DNAH8: variants seen among roughly 807,000 people sequenced by gnomAD.
DNAH8 encodes the protein dynein axonemal heavy chain 8.
In DNAH8, 382 loss-of-function variants were observed where a neutral mutation model predicts 562.1. The ratio of observed to expected loss-of-function variants is 0.68; its 90% CI spans 0.63 to 0.74. The LOEUF (loss-of-function observed/expected upper bound fraction) is 0.74, where lower values mean the gene tolerates loss of function less well. Ranked by LOEUF, DNAH8 falls within the 30% of genes least tolerant of loss-of-function variation. DNAH8 has a pLI of 0.00. For synonymous variants in DNAH8, 1,881 were observed against 1,919.4 expected (o/e 0.98, Z 0.52); for missense variants, 5,203 against 5,620.4 (o/e 0.93, Z 2.37).
chr6:38,769,263 A>C (rs1264850653), intron 11 of DNAH8, among the ~76,000 whole-genome samples: 1 of 152,206 alleles, frequency 6.6e-6, no homozygotes, highest in Non-Finnish European at 1.5e-5. Flanking sequence ...ATACATGTGC[A>C]GAATGTGCAG....
intron 87 of DNAH8, among the ~76,000 whole-genome samples, chr6:38,985,640 G>A (rs1033635375): frequency 1.3e-5 from 2 of 152,178 alleles, no homozygotes; most frequent in African/African-American, 2.4e-5. Flanking sequence ...ACTGAAATTA[G>A]GTATCTCAGG....
chr6:38,782,974 T>A, intron 16 of DNAH8, 30 bp from the exon 17 acceptor site: 3 of 1,593,258 alleles, frequency 1.9e-6, no homozygotes, highest in Non-Finnish European at 2.6e-6. Context: ...AGCAGTCTTT[T>A]AAAGTAAATC....
chr6:38,989,268 G>T (rs549047775), intron 87 of DNAH8, among the ~76,000 whole-genome samples: 1 of 152,292 alleles, frequency 6.6e-6, no homozygotes, highest in Non-Finnish European at 1.5e-5. Flanking sequence ...TCCCCACTGG[G>T]AAAATTGCTG....
intron 62 of DNAH8, among the ~76,000 whole-genome samples, chr6:38,900,231 A>C (rs1779983555): frequency 6.6e-6 from 1 of 152,200 alleles, no homozygotes; most frequent in South Asian, 2.1e-4. Flanking sequence ...CAATTGAACT[A>C]TACAGGATTT....
chr6:38,805,766 GTT>G (rs1330342248), intron 23 of DNAH8, among the ~76,000 whole-genome samples, 170 bp downstream of exon 23: 1 of 152,162 alleles, frequency 6.6e-6, no homozygotes, highest in Non-Finnish European at 1.5e-5. Flanking sequence ...AATCCTTTAA[GTT>G]TTCCCCAGTA....
rs142851293 is a variant in DNAH8, at chr6:38,883,740, CAT to C, written c.8137-131_8137-130del. On this transcript the variant is annotated intron_variant, in intron 55 of 92. Transcript: ENST00000327475. ...TGCCTTATTTTTAAAAATTTAACAA[CAT>C]ATATTTTAATAATTATATGTATACT... 2,322 of 712,936 alleles carry C rather than the reference CAT, an allele frequency of 3.3e-3. 41 individuals carry two copies. In the African/African-American group the frequency reaches 0.037, roughly 11 times the overall value. 44.2% of individuals were successfully genotyped at this position (712,936 alleles called of 1,614,324 possible).
chr6:38,784,547 GAT>G (rs1274629442), intron 17 of DNAH8, among the ~76,000 whole-genome samples: 3 of 152,058 alleles, frequency 2.0e-5, no homozygotes, highest in Non-Finnish European at 2.9e-5. Flanking sequence ...CTGCTTTATA[GAT>G]CTACCTTGTG....
intron 92 of DNAH8, among the ~76,000 whole-genome samples, chr6:39,028,045 C>G (rs1455148986): frequency 2.0e-5 from 3 of 152,088 alleles, no homozygotes; most frequent in Non-Finnish European, 4.4e-5. Flanking sequence ...GCCACGTTTC[C>G]TTCAGTTTCC....
chr6:38,850,291 AAAT>A lies in DNAH8; in HGVS notation c.5244_5246del (p.Ile1748del). 1 of 1,613,632 alleles carries A rather than the reference AAAT, an allele frequency of 6.2e-7. No individual in the cohort carries two copies. Among genetic ancestry groups the A allele is most frequent in the Non-Finnish European group, 8.5e-7 (1 of 1,179,654 alleles). On this transcript the variant is annotated inframe_deletion, in exon 38 of 93. Transcript: ENST00000327475. ...CAGAATATTGACAAGTCTTGGATAA[AAAT>A]AATGCAGCGAGCTCATGAGAATCCC...
In DNAH8 at chr6:38,828,078, A is replaced by G; in HGVS notation, c.4084-106A>G. On this transcript the variant is annotated intron_variant, in intron 29 of 92. Coordinates refer to ENST00000327475, the MANE Select transcript of DNAH8 (RefSeq NM_001206927.2). Reference sequence around the variant, plus strand: ...ATTTTGGAAACCACTTTTCTAGAACATGCTGTCTTCTTCTAAGACATAGGA... The same window carrying G: ...ATTTTGGAAACCACTTTTCTAGAACGTGCTGTCTTCTTCTAAGACATAGGA... 6.7e-6 allele frequency: 5 copies of G among 740,868 alleles called. No individual in the cohort carries two copies. In the East Asian group the frequency reaches 1.1e-4, roughly 16 times the overall value. The allele number at this position is 740,868 out of a possible 1,614,324, so 45.9% of individuals were successfully genotyped here.
chr6:38,736,230 C>A (rs1287234191), intron 5 of DNAH8, among the ~76,000 whole-genome samples: 1 of 152,160 alleles, frequency 6.6e-6, no homozygotes, highest in Non-Finnish European at 1.5e-5. Flanking sequence ...CTCTATTCTT[C>A]CAACGTAGTT....
chr6:38,796,044 C>T (rs1367664671), intron 21 of DNAH8, among the ~76,000 whole-genome samples: 1 of 152,150 alleles, frequency 6.6e-6, no homozygotes, highest in African/African-American at 2.4e-5. Context: ...CCTCCTTGGC[C>T]AGCTGGGTCC....
In DNAH8 at chr6:38,866,790, G is replaced by T. The variant is rs961724755; in HGVS notation, c.6607G>T (p.Ala2203Ser). The T allele has an allele frequency of 9.3e-6, 15 of 1,612,630 alleles. No individual in the cohort carries two copies. The highest frequency in any genetic ancestry group is 4.0e-5 in the African/African-American group (3 of 74,846). ...TCAGATCATTATGAGAGTTAAACTT[G>T]CAAGCTGTGGTTTTCTTGAAAATGT... ...DRQIIMRVKLASCGFLENVIL... is the reference protein window; with the variant it reads ...DRQIIMRVKLSSCGFLENVIL... Residue 2203 changes from alanine (A) to serine (S), a missense_variant, in exon 47 of 93, where the codon GCA becomes TCA. Physicochemically the swap from Ala to Ser is moderately conservative, Grantham distance 99. Around this residue, in one of 6 missense-constraint regions of DNAH8, gnomAD observed 2,176 missense variants for 2,365.1 expected, o/e 0.92. Coordinates refer to ENST00000327475, the MANE Select transcript of DNAH8 (RefSeq NM_001206927.2).
chr6:38,953,925 G>A (rs1762083986), intron 82 of DNAH8, among the ~76,000 whole-genome samples: 1 of 151,510 alleles, frequency 6.6e-6, no homozygotes. Context: ...ATCTGGTTCA[G>A]AACTTATCTC....
At position 38,899,843 on chromosome 6, in the gene DNAH8, A is replaced by G. The variant is rs1226788615; in HGVS notation, c.9131A>G (p.Gln3044Arg). ...LLVGVGGSGK[Q>R]SLSRLASFIA... is the part of the protein sequence containing the mutation. Reference sequence around the variant, plus strand: ...GTGGGTGTTGGTGGTTCCGGAAAACAAAGTCTTTCAAGATTGGCCTCTTTT... The same window carrying G: ...GTGGGTGTTGGTGGTTCCGGAAAACGAAGTCTTTCAAGATTGGCCTCTTTT... The change falls in exon 62 of 93, where the codon CAA (glutamine) becomes CGA (arginine). Residue 3044 changes from glutamine to arginine, a missense_variant. Around this residue, in one of 6 missense-constraint regions of DNAH8, gnomAD observed 977 missense variants for 1,061.8 expected, o/e 0.92. Transcript: ENST00000327475. 1 of 1,612,306 alleles carries G rather than the reference A, an allele frequency of 6.2e-7. No homozygotes were observed. Among genetic ancestry groups the G allele is most frequent in the African/African-American group, 1.3e-5 (1 of 74,966 alleles).
At chr6:38,922,984 T>C (rs1781829972) in intron 71 of DNAH8, 74 bp from the exon 72 acceptor site, 1 of 1,454,254 alleles carries the variant, frequency 6.9e-7, no homozygotes, top group African/African-American at 1.4e-5. Context: ...TGTATTTTTA[T>C]GTGTGAATAT....
intron 19 of DNAH8, 132 bp downstream of exon 19, chr6:38,790,015 G>GTTTTTTT: frequency 3.6e-6 from 2 of 550,164 alleles, no homozygotes; most frequent in East Asian, 3.4e-5. Context: ...TTATAGCTCT[G>GTTTTTTT]TTTTTTTTTT....
chr6:39,016,641 G>A lies in DNAH8; in HGVS notation c.13714+4004G>A, dbSNP rs78032741. Among the ~76,000 whole-genome samples the A allele has an allele frequency of 0.011, 1,693 of 152,134 alleles. 109 individuals carry two copies. The East Asian group carries it at 0.16, about 14-fold the overall frequency. On this transcript the variant is annotated intron_variant, in intron 91 of 92. Coordinates refer to ENST00000327475, the MANE Select transcript of DNAH8 (RefSeq NM_001206927.2). ...CTGTAGTTTCATCACAAATATATATGCAGTAATCAAAATCACCTGGACCAT... is the reference window on the plus strand; with the variant it reads ...CTGTAGTTTCATCACAAATATATATACAGTAATCAAAATCACCTGGACCAT...
intron 10 of DNAH8, among the ~76,000 whole-genome samples, chr6:38,757,933 A>G (rs1167457911): frequency 1.3e-5 from 2 of 152,142 alleles, no homozygotes; most frequent in Non-Finnish European, 2.9e-5. Context: ...GCCTTGTAGT[A>G]TAGTTTGAAG....
Sources: allele counts gnomAD v4.1 joint callset (sites outside exome capture counted in the v4.1 genomes callset), GRCh38; gene constraint gnomAD v4.1.1; regional missense constraint gnomAD v4.1.1; transcripts MANE v1.5; gene names NCBI Gene and HGNC (gene_info 2026-07-23, HGNC 2026-07-21).